HSDL2: variants seen among roughly 807,000 people sequenced by gnomAD.
HSDL2 encodes the protein hydroxysteroid dehydrogenase like 2, also known as hydroxysteroid dehydrogenase-like protein 2.
A neutral mutation model predicts 46.3 loss-of-function variants in HSDL2; 27 were observed. That is an observed-to-expected ratio of 0.58 (90% CI 0.43 to 0.80). HSDL2 has a LOEUF of 0.80. Ranked by LOEUF, HSDL2 falls within the 30% of genes least tolerant of loss-of-function variation. The pLI is 0.00. For missense variants in HSDL2, 451 were observed against 502.7 expected (o/e 0.90, Z 0.98); for synonymous variants, 153 against 163.6 (o/e 0.94, Z 0.50).
chr9:112,460,289 A>G (rs897550515), intron 10 of HSDL2, among the ~76,000 whole-genome samples: 11 of 152,340 alleles, frequency 7.2e-5, no homozygotes, highest in African/African-American at 2.6e-4. Context: ...TTTTCTAAGC[A>G]GGAACATGGT....
intron 10 of HSDL2, among the ~76,000 whole-genome samples, chr9:112,462,055 T>A (rs1240556290): frequency 1.3e-5 from 2 of 152,344 alleles, no homozygotes; most frequent in East Asian, 3.9e-4. Context: ...TCTTACTGTT[T>A]ATCCCATCTG....
chr9:112,417,043 T>G, intron 5 of HSDL2, 99 bp downstream of exon 5: 1 of 477,166 alleles, frequency 2.1e-6, no homozygotes, highest in Admixed American at 4.0e-5. Context: ...CACATAACAT[T>G]CATCATTGAA....
intron 1 of HSDL2, among the ~76,000 whole-genome samples, chr9:112,400,877 G>C (rs757583686): frequency 8.5e-5 from 13 of 152,088 alleles, no homozygotes; most frequent in Non-Finnish European, 1.5e-4. Context: ...CTTCTTCTTA[G>C]AAGGACACCT....
chr9:112,398,536 A>C (rs1831514565), intron 1 of HSDL2, among the ~76,000 whole-genome samples: 1 of 152,040 alleles, frequency 6.6e-6, no homozygotes, highest in African/African-American at 2.4e-5. Flanking sequence ...CAATATCGTC[A>C]GGTAGGGGAG....
At chr9:112,448,507 TCTTTCTTTCTTTCCTC>T (rs67138676) in intron 8 of HSDL2, among the ~76,000 whole-genome samples, 143,072 of 149,820 alleles carry the variant, frequency 0.95, 68,380 homozygotes, top group African/African-American at 0.98. Context: ...TTCTTTCACC[TCTTTCTTTCTTTCCTC>T]CTTTCTTTCT....
chr9:112,422,399 TCCTGACATAAG>T (rs1832145654), intron 6 of HSDL2, among the ~76,000 whole-genome samples: 2 of 152,000 alleles, frequency 1.3e-5, no homozygotes, highest in Admixed American at 6.6e-5. Context: ...AAAACAAAAA[TCCTGACATAAG>T]AGATTGAAAT....
At chr9:112,457,927 C>T (rs1345604983) in intron 9 of HSDL2, among the ~76,000 whole-genome samples, 3 of 152,086 alleles carry the variant, frequency 2.0e-5, no homozygotes, top group Non-Finnish European at 4.4e-5. Flanking sequence ...CTTTTGATTT[C>T]TCTCCATTTA....
At chr9:112,424,628 T>C (rs1372560991) in intron 6 of HSDL2, among the ~76,000 whole-genome samples, 2 of 152,050 alleles carry the variant, frequency 1.3e-5, no homozygotes, top group African/African-American at 2.4e-5. Flanking sequence ...TATTGCTTAT[T>C]TATAGTTTTA....
intron 9 of HSDL2, among the ~76,000 whole-genome samples, chr9:112,456,530 TCTC>T (rs1383711511): frequency 6.6e-6 from 1 of 152,160 alleles, no homozygotes; most frequent in East Asian, 1.9e-4. Context: ...GCTGGCTGCT[TCTC>T]CTCTATCCTT....
intron 1 of HSDL2, among the ~76,000 whole-genome samples, chr9:112,394,538 A>G (rs536918271): frequency 6.6e-6 from 1 of 152,224 alleles, no homozygotes; most frequent in South Asian, 2.1e-4. Flanking sequence ...AGTTAACACA[A>G]TCTTCCTAAA....
chr9:112,426,615 C>T (rs1832252295), intron 6 of HSDL2, among the ~76,000 whole-genome samples: 1 of 152,130 alleles, frequency 6.6e-6, no homozygotes, highest in Non-Finnish European at 1.5e-5. Context: ...GTGATGTGGT[C>T]TCTTTGGGGC....
At chr9:112,444,478 C>G (rs1832705048) in intron 8 of HSDL2, among the ~76,000 whole-genome samples, 1 of 152,106 alleles carries the variant, frequency 6.6e-6, no homozygotes, top group Non-Finnish European at 1.5e-5. Flanking sequence ...TGGCTCACGC[C>G]TGTAGTCCCA....
chr9:112,398,030 A>G (rs1831499358), intron 1 of HSDL2, among the ~76,000 whole-genome samples: 1 of 152,122 alleles, frequency 6.6e-6, no homozygotes, highest in Non-Finnish European at 1.5e-5. Flanking sequence ...CATGAGATGG[A>G]CTCGGCATAG....
Position 112,399,721 on chromosome 9 carries a change from G to A in HSDL2, c.18-4274G>A, listed in dbSNP as rs150362500. The stretch of plus-strand genomic sequence containing the variant: ...CAATATCTCGCCTACTTGGACATCC[G>A]TTTATAGGCTCTCTGCAAGAAGAAA... On this transcript the variant is annotated intron_variant, in intron 1 of 10. Coordinates refer to ENST00000398805, the MANE Select transcript of HSDL2 (RefSeq NM_032303.5). 9.0e-3 allele frequency among the ~76,000 whole-genome samples: 1,376 copies of A among 152,260 alleles called. 13 individuals are homozygous for A. The highest frequency in any genetic ancestry group is 0.031 in the African/African-American group (1,307 of 41,534).
intron 4 of HSDL2, among the ~76,000 whole-genome samples, chr9:112,414,957 GA>G (rs11405249): frequency 1.6e-3 from 237 of 148,400 alleles, no homozygotes; most frequent in African/African-American, 5.6e-3. Context: ...TCAGGGTAAA[GA>G]AAAAAAAAAG....
At chr9:112,402,181 G>A (rs1017372252) in intron 1 of HSDL2, among the ~76,000 whole-genome samples, 4 of 152,086 alleles carry the variant, frequency 2.6e-5, no homozygotes, top group African/African-American at 9.7e-5. Flanking sequence ...AAGAAAGCGG[G>A]TTTCCCTTGC....
chr9:112,454,688 CTT>C (rs199896808), intron 9 of HSDL2, among the ~76,000 whole-genome samples: 1 of 151,936 alleles, frequency 6.6e-6, no homozygotes, highest in Non-Finnish European at 1.5e-5. Context: ...CTTTTTTTCA[CTT>C]TTTTTATTTT....
Position 112,405,659 on chromosome 9 carries a change from G to A in HSDL2, c.217G>A (p.Val73Ile), listed in dbSNP as rs1038761118. The A allele has an allele frequency of 1.2e-6, 2 of 1,613,356 alleles. No individual in the cohort carries two copies. The highest frequency in any genetic ancestry group is 1.3e-5 in the African/African-American group (1 of 74,902). ...AVGGKALPCIVDVRDEQQISA... is the reference protein window; with the variant it reads ...AVGGKALPCIIDVRDEQQISA... ...TGGAGGAAAGGCCTTGCCATGTATT[G>A]TTGATGTGAGAGATGAACAGCAGAT... Residue 73 changes from valine to isoleucine, a missense_variant, in exon 3 of 11, where the codon GTT (valine) becomes ATT (isoleucine). Val to Ile is a conservative substitution (Grantham distance 29). Transcript: ENST00000398805.
chr9:112,411,397 G>A (rs1259161020), intron 4 of HSDL2, among the ~76,000 whole-genome samples: 1 of 152,132 alleles, frequency 6.6e-6, no homozygotes, highest in Non-Finnish European at 1.5e-5. Flanking sequence ...GCAAATGGCT[G>A]GGCACAGTGG....
Sources: gnomAD v4.1 joint callset for allele counts (sites outside exome capture counted in the v4.1 genomes callset) on GRCh38, gnomAD v4.1.1 for gene constraint, MANE v1.5 for transcripts, NCBI Gene and HGNC (gene_info 2026-07-23, HGNC 2026-07-21) for gene names.